Variants in CENPP observed in about 807,000 individuals in gnomAD.
CENPP encodes the protein centromere protein P.
CENPP carries 24 observed loss-of-function variants against 35.6 expected under a neutral mutation model. The ratio of observed to expected loss-of-function variants is 0.67; its 90% confidence interval spans 0.49 to 0.95. CENPP has a LOEUF of 0.95. CENPP is among the 40% of genes least tolerant of loss of function. The pLI is 0.00. For synonymous variants in CENPP, 120 were observed against 125.5 expected (o/e 0.96, Z 0.29); for missense variants, 332 against 345.3 (o/e 0.96, Z 0.31).
intron 4 of CENPP, among the ~76,000 whole-genome samples, chr9:92,356,467 A>G (rs1841591914): frequency 6.6e-6 from 1 of 152,224 alleles, no homozygotes; most frequent in Non-Finnish European, 1.5e-5. Flanking sequence ...CACTGATTTC[A>G]TATTGTTCAA....
chr9:92,531,986 C>G lies in CENPP; in HGVS notation c.565-79328C>G, dbSNP rs561763154. ...TATTTTATTGTTGCCTTCTTCCCACCTACTTTTCTTTTTCTTTTTTTATTT... is the reference window on the plus strand; with the variant it reads ...TATTTTATTGTTGCCTTCTTCCCACGTACTTTTCTTTTTCTTTTTTTATTT... On this transcript the variant is annotated intron_variant, in intron 5 of 7. Coordinates refer to ENST00000375587, the MANE Select transcript of CENPP (RefSeq NM_001012267.3). Among the ~76,000 whole-genome samples, 8 of 130,310 alleles carry G rather than the reference C, an allele frequency of 6.1e-5. No individual in the cohort carries two copies. In the South Asian group the frequency reaches 2.0e-3, roughly 32 times the overall value. 85.5% of individuals were successfully genotyped at this position (130,310 alleles called of 152,430 possible).
chr9:92,326,153 G>A (rs745780947), intron 1 of CENPP, 48 bp downstream of exon 1: 11 of 1,251,862 alleles, frequency 8.8e-6, no homozygotes, highest in Non-Finnish European at 1.2e-5. Flanking sequence ...CAGGGTTCCC[G>A]GGCCAGGCGG....
intron 4 of CENPP, among the ~76,000 whole-genome samples, chr9:92,365,518 C>G (rs1841866268): frequency 6.8e-6 from 1 of 147,410 alleles, no homozygotes; most frequent in Admixed American, 7.0e-5. Context: ...TCAAGCGATT[C>G]TCCTGCCTCA....
intron 5 of CENPP, among the ~76,000 whole-genome samples, chr9:92,434,748 A>C (rs561420234): frequency 6.6e-6 from 1 of 152,188 alleles, no homozygotes; most frequent in Non-Finnish European, 1.5e-5. Flanking sequence ...TTAATTTTTT[A>C]AAAAGTTTTC....
chr9:92,403,767 G>A (rs1843214099), intron 5 of CENPP: 1 of 621,244 alleles, frequency 1.6e-6, no homozygotes, highest in Non-Finnish European at 2.0e-6. Flanking sequence ...TAGGATACCT[G>A]TAGTATAAAT....
intron 5 of CENPP, among the ~76,000 whole-genome samples, chr9:92,555,214 ATTTTTTTTTTT>A (rs34701393): frequency 3.2e-5 from 2 of 63,440 alleles, no homozygotes; most frequent in African/African-American, 8.3e-5. Context: ...TTTTTTGGAA[ATTTTTTTTTTT>A]TTTTTTTTTT....
intron 5 of CENPP, among the ~76,000 whole-genome samples, chr9:92,382,343 A>G (rs1232142193): frequency 6.6e-6 from 1 of 152,120 alleles, no homozygotes; most frequent in Non-Finnish European, 1.5e-5. Flanking sequence ...CATTTCCATC[A>G]GCTTAAACAT....
intron 5 of CENPP, among the ~76,000 whole-genome samples, chr9:92,586,157 T>C (rs1393592906): frequency 5.9e-5 from 9 of 152,224 alleles, no homozygotes; most frequent in Admixed American, 5.9e-4. Context: ...ACGATTCTCC[T>C]GCCTCAGCCT....
chr9:92,522,861 C>A, intron 5 of CENPP: 1 of 1,592,470 alleles, frequency 6.3e-7, no homozygotes, highest in Non-Finnish European at 8.5e-7. Context: ...AAACTGCAAT[C>A]TTCATGTTTG....
chr9:92,418,802 C>A (rs554161127), intron 5 of CENPP, among the ~76,000 whole-genome samples: 1 of 152,210 alleles, frequency 6.6e-6, no homozygotes, highest in African/African-American at 2.4e-5. Flanking sequence ...ACTAACAGCA[C>A]CATCAAATTT....
At chr9:92,338,750 G>T (rs1029679737) in intron 3 of CENPP, among the ~76,000 whole-genome samples, 1 of 152,066 alleles carries the variant, frequency 6.6e-6, no homozygotes, top group Non-Finnish European at 1.5e-5. Context: ...ACTCAGTTGG[G>T]TGTCCTTGCT....
chr9:92,479,226 C>A (rs767869676), intron 5 of CENPP, among the ~76,000 whole-genome samples: 1 of 152,174 alleles, frequency 6.6e-6, no homozygotes, highest in Non-Finnish European at 1.5e-5. Flanking sequence ...TGACCAGTCC[C>A]CCAGTGGCAT....
chr9:92,396,088 C>G (rs926925208), intron 5 of CENPP, among the ~76,000 whole-genome samples: 2 of 152,158 alleles, frequency 1.3e-5, no homozygotes, highest in African/African-American at 4.8e-5. Flanking sequence ...CTACAGTTGT[C>G]TGGTTCTTTC....
chr9:92,385,467 T>C (rs1180853335), intron 5 of CENPP: 1 of 622,678 alleles, frequency 1.6e-6, no homozygotes, highest in Non-Finnish European at 2.7e-6. Context: ...ACTTATTATA[T>C]GTAAGATTTT....
At chr9:92,415,972 TTA>T (rs1048555630) in intron 5 of CENPP, among the ~76,000 whole-genome samples, 1 of 145,298 alleles carries the variant, frequency 6.9e-6, no homozygotes, top group Non-Finnish European at 1.5e-5. Flanking sequence ...AAATTGTCAG[TTA>T]TATATATATG....
intron 5 of CENPP, among the ~76,000 whole-genome samples, chr9:92,381,386 G>A (rs11792342): frequency 0.4 from 61,150 of 151,348 alleles, 14,576 homozygotes; most frequent in African/African-American, 0.66. Flanking sequence ...CCTGGCTCAG[G>A]TGATCCTCCC....
intron 7 of CENPP, 62 bp from the exon 8 acceptor site, chr9:92,612,957 A>C (rs1851311359): frequency 1.9e-6 from 3 of 1,605,600 alleles, no homozygotes; most frequent in Non-Finnish European, 2.6e-6. Flanking sequence ...TGCCAGCAGA[A>C]AACAAAAGAC....
At chr9:92,358,897 A>AC (rs1554753592) in intron 4 of CENPP, among the ~76,000 whole-genome samples, 3 of 105,484 alleles carry the variant, frequency 2.8e-5, no homozygotes, top group African/African-American at 1.1e-4. Context: ...CTATTCATTT[A>AC]TTTTTTTTCA....
At chr9:92,429,291 A>T (rs1473531530) in intron 5 of CENPP, among the ~76,000 whole-genome samples, 1 of 152,152 alleles carries the variant, frequency 6.6e-6, no homozygotes, top group Non-Finnish European at 1.5e-5. Flanking sequence ...CACCTCCCAG[A>T]CCTTACCTGG....
Sources: allele counts gnomAD v4.1 joint callset (sites outside exome capture counted in the v4.1 genomes callset), GRCh38; gene constraint gnomAD v4.1.1; transcripts MANE v1.5; gene names NCBI Gene and HGNC (gene_info 2026-07-23, HGNC 2026-07-21).